The following CAV1 variants were observed in gnomAD, a reference collection of about 807,000 sequenced individuals.
CAV1 encodes the protein caveolin 1.
CAV1 carries 10 observed loss-of-function variants against 16.5 expected under a neutral mutation model. That is an observed-to-expected ratio of 0.61 (90% CI 0.37 to 1.03). The LOEUF is 1.03. Among genes scored for constraint, CAV1 ranks in the 50% least tolerant of loss-of-function variants. The probability of loss-of-function intolerance (pLI) is 0.01; values close to 1 mark genes in which losing one functional copy is unlikely to be tolerated. For synonymous variants in CAV1, 76 were observed against 85.1 expected (o/e 0.89, Z 0.59); for missense variants, 212 against 232.8 (o/e 0.91, Z 0.58).
At chr7:116,534,378 TATATATATATA>T (rs1325715717) in intron 2 of CAV1, among the ~76,000 whole-genome samples, 19 of 15,144 alleles carry the variant, frequency 1.3e-3, no homozygotes, top group Admixed American at 3.5e-3. Context: ...TATATATATA[TATATATATATA>T]TATATATTTT....
Position 116,526,702 on chromosome 7 carries a change from G to T in CAV1, c.195+13G>T. On this transcript the variant is annotated intron_variant, in intron 2 of 2. Transcript: ENST00000341049. ...TGACGTGGTCAAGGTAAGCCAAGGC[G>T]ACCAACAGGGAAGGGCTGGGACAGC... 2 of 1,613,900 alleles carry T rather than the reference G, an allele frequency of 1.2e-6. No homozygotes were observed. The highest frequency in any genetic ancestry group is 1.1e-5 in the South Asian group (1 of 91,044).
intron 1 of CAV1, chr7:116,526,225 C>T (rs2535214): frequency 9.6e-7 from 1 of 1,045,896 alleles, no homozygotes; most frequent in East Asian, 8.2e-5. Flanking sequence ...CGGGCGGGGG[C>T]CTTCGGACCG....
chr7:116,553,596 C>T (rs1794206120), intron 2 of CAV1, among the ~76,000 whole-genome samples: 1 of 151,998 alleles, frequency 6.6e-6, no homozygotes, highest in Non-Finnish European at 1.5e-5. Context: ...TCTGAGGCAT[C>T]CCACTCTAAG....
intron 2 of CAV1, among the ~76,000 whole-genome samples, chr7:116,539,012 A>G (rs1159994269): frequency 6.6e-6 from 1 of 152,104 alleles, no homozygotes; most frequent in African/African-American, 2.4e-5. Flanking sequence ...TCAAGATGAG[A>G]TTTGGGTGGG....
chr7:116,531,068 GTT>G (rs1793678860), intron 2 of CAV1, among the ~76,000 whole-genome samples: 2 of 152,182 alleles, frequency 1.3e-5, no homozygotes, highest in Admixed American at 1.3e-4. Flanking sequence ...GATCATCATG[GTT>G]ACCAGGCTGG....
intron 2 of CAV1, among the ~76,000 whole-genome samples, chr7:116,532,252 A>G (rs976315170): frequency 6.6e-6 from 1 of 152,242 alleles, no homozygotes; most frequent in South Asian, 2.1e-4. Context: ...TGGAAAGTCC[A>G]GTAATTTGAA....
rs375096127 is a variant in CAV1, at chr7:116,546,487, C to T, written c.196-12459C>T. On this transcript the variant is annotated intron_variant, in intron 2 of 2. Coordinates refer to ENST00000341049, the MANE Select transcript of CAV1 (RefSeq NM_001753.5). ...GGTGGATCACCTGAGGTCAGGAGTT[C>T]GAGACCAGCCTCGCCAACATGGTGA... is the stretch of plus-strand genomic sequence containing the variant. 1.0e-3 allele frequency among the ~76,000 whole-genome samples: 157 copies of T among 151,094 alleles called. 2 individuals carry two copies. The highest frequency in any genetic ancestry group is 3.3e-3 in the African/African-American group (136 of 41,074).
At chr7:116,532,288 C>T (rs1484806559) in intron 2 of CAV1, among the ~76,000 whole-genome samples, 1 of 152,164 alleles carries the variant, frequency 6.6e-6, no homozygotes, top group Non-Finnish European at 1.5e-5. Flanking sequence ...GTATCCTGCC[C>T]ACTCAAGTCC....
intron 2 of CAV1, among the ~76,000 whole-genome samples, chr7:116,546,702 A>AAAAAAAAAAAAAAAAAAAAAT (rs1554356427): frequency 7.0e-6 from 1 of 142,952 alleles, no homozygotes; most frequent in Non-Finnish European, 1.5e-5. Flanking sequence ...TGTCACAAAA[A>AAAAAAAAAAAAAAAAAAAAAT]AAAAAAAAAA....
chr7:116,533,590 CA>C lies in CAV1; in HGVS notation c.195+6902del, dbSNP rs1204308282. ...CAAGCAACTCCTGAGTAACTGGGACCACAGGGATGTGCCACAATTCCCGGCT... is the reference window on the plus strand; with the variant it reads ...CAAGCAACTCCTGAGTAACTGGGACCCAGGGATGTGCCACAATTCCCGGCT... On this transcript the variant is annotated intron_variant, in intron 2 of 2. Coordinates refer to ENST00000341049, the MANE Select transcript of CAV1 (RefSeq NM_001753.5). 1.4e-4 allele frequency among the ~76,000 whole-genome samples: 22 copies of C among 152,142 alleles called. No individual in the cohort carries two copies. The East Asian group carries it at 4.3e-3, about 30-fold the overall frequency.
At chr7:116,551,007 G>T (rs1360834513) in intron 2 of CAV1, among the ~76,000 whole-genome samples, 1 of 152,202 alleles carries the variant, frequency 6.6e-6, no homozygotes, top group Non-Finnish European at 1.5e-5. Context: ...ACAAACTAGG[G>T]CTGTCAGGAG....
chr7:116,526,302 A>AG (rs1273748184), intron 1 of CAV1: 4 of 1,380,400 alleles, frequency 2.9e-6, no homozygotes, highest in Non-Finnish European at 3.8e-6. Context: ...CAGAGTACAG[A>AG]GGGGTGTGGT....
At chr7:116,534,308 G>T (rs1445611495) in intron 2 of CAV1, among the ~76,000 whole-genome samples, 1 of 137,952 alleles carries the variant, frequency 7.2e-6, no homozygotes, top group Non-Finnish European at 1.5e-5. Context: ...ATTTGGCGAG[G>T]TGTCAAAAGA....
At chr7:116,525,365 G>A (rs1259672216) in intron 1 of CAV1, 1 of 1,536,316 alleles carries the variant, frequency 6.5e-7, no homozygotes. Context: ...GATTGGGTCT[G>A]TTGGGCCCAG....
At chr7:116,530,922 G>T (rs376737522) in intron 2 of CAV1, among the ~76,000 whole-genome samples, 1 of 152,204 alleles carries the variant, frequency 6.6e-6, no homozygotes, top group Non-Finnish European at 1.5e-5. Context: ...GTAATGAAAA[G>T]TAGCCAGTCT....
At position 116,559,505 on chromosome 7, in the gene CAV1, T is replaced by A. The variant is rs944736953; in HGVS notation, c.*218T>A. The A allele has an allele frequency of 4.7e-5, 28 of 601,454 alleles. No homozygotes were observed. The highest frequency in any genetic ancestry group is 6.4e-5 in the Non-Finnish European group (22 of 341,408). 37.3% of individuals were successfully genotyped at this position (601,454 alleles called of 1,614,324 possible). A position where few individuals can be genotyped will look rare whatever the true frequency, so the allele number is the denominator to read the frequency against. ...TCTGAATTTTTAAAACCCATTTAAA[T>A]TTTTTTCCTTACCTTTTTATTTGCA... On this transcript the variant is annotated 3_prime_UTR_variant, in exon 3 of 3. Coordinates refer to ENST00000341049, the MANE Select transcript of CAV1 (RefSeq NM_001753.5).
intron 2 of CAV1, among the ~76,000 whole-genome samples, chr7:116,527,434 G>C (rs1793588083): frequency 6.6e-6 from 1 of 152,184 alleles, no homozygotes; most frequent in South Asian, 2.1e-4. Flanking sequence ...GGCACATTCA[G>C]GTTGGAGTTC....
At chr7:116,536,040 G>T (rs1793806590) in intron 2 of CAV1, among the ~76,000 whole-genome samples, 1 of 152,130 alleles carries the variant, frequency 6.6e-6, no homozygotes, top group Admixed American at 6.5e-5. Context: ...ATTTAAAAAG[G>T]TAAGTTGTGT....
chr7:116,537,470 C>T (rs1047511864), intron 2 of CAV1, among the ~76,000 whole-genome samples: 1 of 152,108 alleles, frequency 6.6e-6, no homozygotes, highest in Non-Finnish European at 1.5e-5. Flanking sequence ...TTATTATCAC[C>T]ATCATATTCC....
Sources: gnomAD v4.1 joint callset for allele counts (sites outside exome capture counted in the v4.1 genomes callset) on GRCh38, gnomAD v4.1.1 for gene constraint, MANE v1.5 for transcripts, NCBI Gene and HGNC (gene_info 2026-07-23, HGNC 2026-07-21) for gene names.